Variants in GALNT10 observed in about 807,000 individuals in gnomAD.
GALNT10 encodes the protein polypeptide N-acetylgalactosaminyltransferase 10.
Under a neutral mutation model 75.0 loss-of-function variants are expected in GALNT10, and 41 were observed. That is an observed-to-expected ratio of 0.55 (90% CI 0.43 to 0.71). The LOEUF is 0.71. Among genes scored for constraint, GALNT10 ranks in the 30% least tolerant of loss-of-function variants. GALNT10 has a pLI of 0.00. For synonymous variants in GALNT10, 302 were observed against 313.0 expected, an observed-to-expected ratio of 0.96 and a Z score of 0.37; for missense variants, 727 against 818.5, an observed-to-expected ratio of 0.89 and a Z score of 1.36.
chr5:154,275,037 C>CA (rs1307888997), intron 1 of GALNT10, among the ~76,000 whole-genome samples: 2 of 152,234 alleles, frequency 1.3e-5, no homozygotes, highest in African/African-American at 4.8e-5. Flanking sequence ...CTGGTTCTGA[C>CA]ACTGGCTCAT....
chr5:154,216,764 A>G (rs531837438), intron 1 of GALNT10, among the ~76,000 whole-genome samples: 1 of 152,244 alleles, frequency 6.6e-6, no homozygotes, highest in Non-Finnish European at 1.5e-5. Flanking sequence ...ATTAAATTGT[A>G]CTCCAGGTGG....
intron 3 of GALNT10, chr5:154,329,312 C>T: frequency 2.2e-6 from 1 of 451,338 alleles, no homozygotes; most frequent in Non-Finnish European, 4.0e-6. Context: ...TAGGGCAGTC[C>T]TCCACATGAA....
At chr5:154,221,435 C>T (rs1561632970) in intron 1 of GALNT10, among the ~76,000 whole-genome samples, 1 of 152,318 alleles carries the variant, frequency 6.6e-6, no homozygotes, top group East Asian at 1.9e-4. Flanking sequence ...TGAGTTGTGC[C>T]TTACTGAGTC....
At chr5:154,282,158 T>C (rs1754047595) in intron 1 of GALNT10, among the ~76,000 whole-genome samples, 1 of 152,204 alleles carries the variant, frequency 6.6e-6, no homozygotes, top group Non-Finnish European at 1.5e-5. Context: ...AGAGAGATGG[T>C]TGGGACCAAA....
intron 3 of GALNT10, among the ~76,000 whole-genome samples, chr5:154,327,165 G>A (rs1013103768): frequency 6.6e-5 from 10 of 151,986 alleles, no homozygotes; most frequent in African/African-American, 2.2e-4. Flanking sequence ...GCATTGAGCC[G>A]AGATTGTGTC....
At chr5:154,284,742 A>G (rs1754088046) in intron 1 of GALNT10, among the ~76,000 whole-genome samples, 1 of 152,186 alleles carries the variant, frequency 6.6e-6, no homozygotes, top group African/African-American at 2.4e-5. Flanking sequence ...TTTGAGGGCT[A>G]TGTTCCTGCA....
At chr5:154,399,684 T>A (rs550593576) in intron 7 of GALNT10, among the ~76,000 whole-genome samples, 6 of 152,216 alleles carry the variant, frequency 3.9e-5, no homozygotes, top group Non-Finnish European at 8.8e-5. Context: ...AGACTTTGAA[T>A]CAGTCTTGAT....
intron 1 of GALNT10, among the ~76,000 whole-genome samples, chr5:154,278,780 A>C (rs1753991835): frequency 6.6e-6 from 1 of 152,208 alleles, no homozygotes; most frequent in Non-Finnish European, 1.5e-5. Context: ...TACCTCATAT[A>C]AGTGGAATCA....
chr5:154,282,382 C>T (rs1340694044), intron 1 of GALNT10, among the ~76,000 whole-genome samples: 1 of 152,216 alleles, frequency 6.6e-6, no homozygotes, highest in African/African-American at 2.4e-5. Context: ...CCTCCACTCG[C>T]CTCTCATTGA....
At chr5:154,223,071 T>G (rs1561633492) in intron 1 of GALNT10, among the ~76,000 whole-genome samples, 2 of 152,206 alleles carry the variant, frequency 1.3e-5, no homozygotes, top group Admixed American at 6.5e-5. Flanking sequence ...GTTTGGATAT[T>G]ATTTTGCATA....
intron 1 of GALNT10, among the ~76,000 whole-genome samples, chr5:154,228,023 C>T (rs1365420564): frequency 2.6e-5 from 4 of 152,036 alleles, no homozygotes; most frequent in Admixed American, 2.6e-4. Flanking sequence ...TGTGGCACCT[C>T]CCCTCCCAGC....
chr5:154,237,472 G>C (rs2113666042), intron 1 of GALNT10, among the ~76,000 whole-genome samples: 1 of 152,288 alleles, frequency 6.6e-6, no homozygotes, highest in East Asian at 1.9e-4. Flanking sequence ...CCGCACGCTT[G>C]TGAGAATCTG....
chr5:154,265,500 G>T (rs564650957), intron 1 of GALNT10, among the ~76,000 whole-genome samples: 1 of 152,288 alleles, frequency 6.6e-6, no homozygotes, highest in South Asian at 2.1e-4. Context: ...TCAATGTGCA[G>T]ATTTGCTATG....
chr5:154,240,087 T>C (rs963354287), intron 1 of GALNT10, among the ~76,000 whole-genome samples: 1 of 152,244 alleles, frequency 6.6e-6, no homozygotes, highest in Non-Finnish European at 1.5e-5. Flanking sequence ...GTGTTGCCCA[T>C]GTGTGTATGA....
Position 154,419,792 on chromosome 5 carries a change from C to T in GALNT10, c.*2820C>T, listed in dbSNP as rs1243246489. The T allele has an allele frequency of 6.6e-6, 1 of 152,234 alleles. No homozygotes were observed. Among genetic ancestry groups the T allele is most frequent in the Admixed American group, 6.5e-5 (1 of 15,288 alleles). The allele number at this position is 152,234 out of a possible 1,614,324, so 9.4% of individuals were successfully genotyped here. A position where few individuals can be genotyped will look rare whatever the true frequency, so the allele number is the denominator to read the frequency against. On this transcript the variant is annotated 3_prime_UTR_variant, in exon 12 of 12. Transcript: ENST00000297107. ...CCTGTCTCAAGGATTCAGGTTTCTG[C>T]TCACATCCCCAGCTGATGCTCAATA... is the stretch of plus-strand genomic sequence containing the variant.
intron 1 of GALNT10, among the ~76,000 whole-genome samples, chr5:154,270,059 T>A (rs1406809853): frequency 6.6e-6 from 1 of 152,012 alleles, no homozygotes; most frequent in African/African-American, 2.4e-5. Context: ...TGGCTGAGGT[T>A]CCTAATGGAG....
intron 1 of GALNT10, among the ~76,000 whole-genome samples, chr5:154,193,493 C>G (rs1054297667): frequency 6.6e-6 from 1 of 152,240 alleles, no homozygotes; most frequent in African/African-American, 2.4e-5. Flanking sequence ...AGGCTGCTAT[C>G]TGGGAAATCT....
At chr5:154,260,767 T>A (rs1581944115) in intron 1 of GALNT10, among the ~76,000 whole-genome samples, 3 of 152,176 alleles carry the variant, frequency 2.0e-5, no homozygotes, top group Admixed American at 2.0e-4. Flanking sequence ...CTGCATAATG[T>A]AATGCTCTTT....
intron 6 of GALNT10, among the ~76,000 whole-genome samples, chr5:154,383,369 CTATGAGCAGAT>C (rs1185708668): frequency 6.6e-6 from 1 of 152,186 alleles, no homozygotes; most frequent in African/African-American, 2.4e-5. Flanking sequence ...TATCCACTCA[CTATGAGCAGAT>C]TATTTAACAT....
Sources: allele counts gnomAD v4.1 joint callset (sites outside exome capture counted in the v4.1 genomes callset), GRCh38; gene constraint gnomAD v4.1.1; transcripts MANE v1.5; gene names NCBI Gene and HGNC (gene_info 2026-07-23, HGNC 2026-07-21).